LMBRD2: variants seen among roughly 807,000 people sequenced by gnomAD.
LMBRD2 encodes the protein G protein-coupled receptor-associated protein LMBRD2.
A neutral mutation model predicts 94.4 loss-of-function variants in LMBRD2; 55 were observed. The ratio of observed to expected loss-of-function variants is 0.58; its 90% CI spans 0.47 to 0.73. The LOEUF (loss-of-function observed/expected upper bound fraction) is 0.73, where lower values mean the gene tolerates loss of function less well. LMBRD2 is among the 30% of genes least tolerant of loss of function. LMBRD2 has a pLI of 0.00. For missense variants in LMBRD2, 640 were observed against 831.9 expected, an observed-to-expected ratio of 0.77 and a Z score of 2.84; for synonymous variants, 246 against 272.4, an observed-to-expected ratio of 0.90 and a Z score of 0.95.
chr5:36,141,472 A>C (rs1441466973), intron 3 of LMBRD2, among the ~76,000 whole-genome samples: 1 of 152,180 alleles, frequency 6.6e-6, no homozygotes, highest in Non-Finnish European at 1.5e-5. Context: ...GTAAAAAGAA[A>C]ACTTAATGTT....
At chr5:36,127,931 A>G (rs955608091) in intron 6 of LMBRD2, among the ~76,000 whole-genome samples, 4 of 152,198 alleles carry the variant, frequency 2.6e-5, no homozygotes, top group African/African-American at 9.6e-5. Context: ...GGCAGTGGTT[A>G]CCGTGGGCCT....
intron 4 of LMBRD2, among the ~76,000 whole-genome samples, chr5:36,140,195 C>T (rs1211079617): frequency 6.6e-6 from 1 of 152,222 alleles, no homozygotes. Flanking sequence ...GACCCAGCCA[C>T]AGGCTTTCAC....
chr5:36,130,504 G>A (rs1347848546), intron 6 of LMBRD2, among the ~76,000 whole-genome samples: 4 of 151,930 alleles, frequency 2.6e-5, no homozygotes, highest in African/African-American at 9.7e-5. Context: ...AGGAAGACAG[G>A]AAGGAAGGAA....
rs555320823 is a variant in LMBRD2 at position 36,124,316 on chromosome 5, T to C, written c.748-51A>G. The C allele has an allele frequency of 2.9e-5, 32 of 1,105,802 alleles. 1 individual carries two copies. In the East Asian group the frequency reaches 7.1e-4, roughly 24 times the overall value. 68.5% of individuals were successfully genotyped at this position (1,105,802 alleles called of 1,614,324 possible). The stretch of plus-strand genomic sequence containing the variant: ...AATATTTCCATTTCTACAGATCACA[T>C]ATTCCAAATGAGAATGCATTAGGTA... On this transcript the variant is annotated intron_variant, in intron 6 of 17. Transcript: ENST00000296603.
chr5:36,128,948 T>C (rs921781731), intron 6 of LMBRD2, among the ~76,000 whole-genome samples: 5 of 152,192 alleles, frequency 3.3e-5, no homozygotes, highest in Non-Finnish European at 7.3e-5. Flanking sequence ...GAAAAATGCA[T>C]TGACATATTG....
Position 36,102,622 on chromosome 5 carries a change from C to A in LMBRD2, c.*1424G>T, listed in dbSNP as rs1478280602. On this transcript the variant is annotated 3_prime_UTR_variant, in exon 18 of 18. Coordinates refer to ENST00000296603, the MANE Select transcript of LMBRD2 (RefSeq NM_001007527.2). ...GATGATGCTCTATTCCTTTCAATAT[C>A]TGCATAGAGCTGTGTTTTAAAAAAA... 6.6e-6 allele frequency: 1 copy of A among 151,448 alleles called. No homozygotes were observed. The highest frequency in any genetic ancestry group is 1.5e-5 in the Non-Finnish European group (1 of 67,726). The allele number at this position is 151,448 out of a possible 1,614,324, so 9.4% of individuals were successfully genotyped here. A position where few individuals can be genotyped will look rare whatever the true frequency, so the allele number is the denominator to read the frequency against.
chr5:36,117,679 T>A, intron 10 of LMBRD2, 56 bp downstream of exon 10: 1 of 1,209,744 alleles, frequency 8.3e-7, no homozygotes, highest in Non-Finnish European at 1.1e-6. Context: ...GAGAAAATAG[T>A]TAAGGATTAT....
intron 11 of LMBRD2, 49 bp downstream of exon 11, chr5:36,116,411 T>C: frequency 6.5e-7 from 1 of 1,547,402 alleles, no homozygotes; most frequent in Non-Finnish European, 8.9e-7. Context: ...TCCATAAGAA[T>C]ACACTCAATG....
chr5:36,149,203 T>C (rs560394704), intron 1 of LMBRD2, among the ~76,000 whole-genome samples: 2 of 151,850 alleles, frequency 1.3e-5, no homozygotes, highest in Admixed American at 6.6e-5. Flanking sequence ...GATAGAAAAA[T>C]CCAAGCAAAG....
rs1037921807 is a variant in LMBRD2, at chr5:36,099,458, T to C, written c.*4588A>G. On this transcript the variant is annotated 3_prime_UTR_variant, in exon 18 of 18. Transcript: ENST00000296603. ...TCCATTGGATTGCTTTTAAAAAATA[T>C]ATACACAGTCTCTCCCCTACAACTT... 1 of 152,152 alleles carries C rather than the reference T, an allele frequency of 6.6e-6. No homozygotes were observed. The highest frequency in any genetic ancestry group is 2.4e-5 in the African/African-American group (1 of 41,460). 9.4% of individuals were successfully genotyped at this position (152,152 alleles called of 1,614,324 possible).
intron 1 of LMBRD2, among the ~76,000 whole-genome samples, chr5:36,144,599 G>A (rs574356862): frequency 3.1e-4 from 47 of 152,180 alleles, no homozygotes; most frequent in African/African-American, 1.1e-3. Context: ...CAGGAGAATC[G>A]CTTGAACCTG....
At position 36,100,375 on chromosome 5, in the gene LMBRD2, C is replaced by CTACTT. The variant is rs1299549535; in HGVS notation, c.*3666_*3670dup. ...TAGTTGTCTAGCAAAATCTGTTTGACTACTTTAGGTACAATATTGCTATTT... is the reference window on the plus strand; with the variant it reads ...TAGTTGTCTAGCAAAATCTGTTTGACTACTTTACTTTAGGTACAATATTGCTATTT... On this transcript the variant is annotated 3_prime_UTR_variant, in exon 18 of 18. Transcript: ENST00000296603. The CTACTT allele has an allele frequency of 6.6e-6, 1 of 152,036 alleles. No homozygotes were observed. Among genetic ancestry groups the CTACTT allele is most frequent in the African/African-American group, 2.4e-5 (1 of 41,412 alleles). 9.4% of individuals were successfully genotyped at this position (152,036 alleles called of 1,614,324 possible). A position where few individuals can be genotyped will look rare whatever the true frequency, so the allele number is the denominator to read the frequency against.
chr5:36,112,051 GGAGA>G lies in LMBRD2; in HGVS notation c.1641-797_1641-794del, dbSNP rs10661979. Among the ~76,000 whole-genome samples the G allele has an allele frequency of 4.9e-4, 74 of 150,028 alleles. 1 individual carries two copies. The highest frequency in any genetic ancestry group is 3.7e-3 in the East Asian group (19 of 5,144). On this transcript the variant is annotated intron_variant, in intron 13 of 17. Coordinates refer to ENST00000296603, the MANE Select transcript of LMBRD2 (RefSeq NM_001007527.2). ...AGGAAGAGGAGGAGAAAGTGGTGAA[GGAGA>G]GAGAGAGAGAGAGAGACGAAGGGAA... is the stretch of plus-strand genomic sequence containing the variant.
In LMBRD2 at chr5:36,111,318, G is replaced by A. The variant is rs1743600294; in HGVS notation, c.1641-60C>T. The A allele has an allele frequency of 2.6e-6, 3 of 1,132,474 alleles. No individual in the cohort carries two copies. The South Asian group carries it at 3.9e-5, about 15-fold the overall frequency. 70.2% of individuals were successfully genotyped at this position (1,132,474 alleles called of 1,614,324 possible). A position where few individuals can be genotyped will look rare whatever the true frequency, so the allele number is the denominator to read the frequency against. Reference sequence around the variant, plus strand: ...TATTTCACATTGTAAATATTTAGATGAATTGTTCTTTAGCATTGTCACTCC... The same window carrying A: ...TATTTCACATTGTAAATATTTAGATAAATTGTTCTTTAGCATTGTCACTCC... On this transcript the variant is annotated intron_variant, in intron 13 of 17. Coordinates refer to ENST00000296603, the MANE Select transcript of LMBRD2 (RefSeq NM_001007527.2).
intron 7 of LMBRD2, among the ~76,000 whole-genome samples, chr5:36,123,591 TAA>T (rs1164340232): frequency 2.6e-5 from 4 of 152,080 alleles, no homozygotes; most frequent in Non-Finnish European, 5.9e-5. Context: ...TCTGTGGGTT[TAA>T]AAGACAATTG....
chr5:36,134,985 A>T (rs1744236181), intron 6 of LMBRD2, among the ~76,000 whole-genome samples: 1 of 152,210 alleles, frequency 6.6e-6, no homozygotes, highest in Non-Finnish European at 1.5e-5. Context: ...TCATCAAGCC[A>T]GATCAATTCA....
At position 36,116,499 on chromosome 5, in the gene LMBRD2, T is replaced by C; in HGVS notation, c.1397A>G (p.His466Arg). ...AAGGCTATAAGCATCAGTCTGGTGATGTGAGGCCAAATAATAATAGTTAAA... is the reference window on the plus strand; with the variant it reads ...AAGGCTATAAGCATCAGTCTGGTGACGTGAGGCCAAATAATAATAGTTAAA... ...RVFNYYYLAS[H>R]HQTDAYSLLF... The change falls in exon 11 of 18, where the codon CAT (histidine) becomes CGT (arginine). Residue 466 changes from histidine to arginine, a missense_variant. Coordinates refer to ENST00000296603, the MANE Select transcript of LMBRD2 (RefSeq NM_001007527.2). 1 of 1,613,420 alleles carries C rather than the reference T, an allele frequency of 6.2e-7. No individual in the cohort carries two copies. The highest frequency in any genetic ancestry group is 8.5e-7 in the Non-Finnish European group (1 of 1,179,416).
In LMBRD2 at chr5:36,111,188, A is replaced by C. The variant is rs376143226; in HGVS notation, c.1711T>G (p.Leu571Val). ...ATTAATTCTTTTCCTTCATTAACTAAGTCTGATGTCATATCATCATCTCCC... is the reference window on the plus strand; with the variant it reads ...ATTAATTCTTTTCCTTCATTAACTACGTCTGATGTCATATCATCATCTCCC... The part of the protein sequence containing the change: ...FMGDDDMTSD[L>V]VNEGKELIRK... Residue 571 changes from leucine to valine, a missense_variant, in exon 14 of 18, where the codon TTA becomes GTA. Leu to Val is a conservative substitution (Grantham distance 32). This residue lies in a region of LMBRD2 where 183 missense variants were observed against 189.1 expected (regional missense o/e 0.97). Coordinates refer to ENST00000296603, the MANE Select transcript of LMBRD2 (RefSeq NM_001007527.2). The C allele has an allele frequency of 2.4e-5, 39 of 1,610,022 alleles. No individual in the cohort carries two copies. Among genetic ancestry groups the C allele is most frequent in the Non-Finnish European group, 5.1e-6 (6 of 1,177,362 alleles).
At chr5:36,144,158 T>TC (rs1561524302) in intron 1 of LMBRD2, among the ~76,000 whole-genome samples, 2 of 152,180 alleles carry the variant, frequency 1.3e-5, no homozygotes, top group Non-Finnish European at 2.9e-5. Flanking sequence ...CAGCGAATAG[T>TC]TTACTTGATA....
Sources: allele counts gnomAD v4.1 joint callset (sites outside exome capture counted in the v4.1 genomes callset), GRCh38; gene constraint gnomAD v4.1.1; regional missense constraint gnomAD v4.1.1; transcripts MANE v1.5; gene names NCBI Gene and HGNC (gene_info 2026-07-23, HGNC 2026-07-21).